The following SRGAP1 variants were observed in gnomAD, a reference collection of about 807,000 sequenced individuals.
The protein encoded by SRGAP1 is SLIT-ROBO Rho GTPase activating protein 1, also known as SLIT-ROBO Rho GTPase-activating protein 1.
A neutral mutation model predicts 121.9 loss-of-function variants in SRGAP1; 43 were observed. That is an observed-to-expected ratio of 0.35 (90% CI 0.28 to 0.46). The LOEUF (loss-of-function observed/expected upper bound fraction) is 0.46, where lower values mean the gene tolerates loss of function less well. SRGAP1 is among the 20% of genes least tolerant of loss of function. The pLI is 1.00. For missense variants in SRGAP1, 1,102 were observed against 1,350.9 expected, an observed-to-expected ratio of 0.82 and a Z score of 2.89; for synonymous variants, 447 against 485.4, an observed-to-expected ratio of 0.92 and a Z score of 1.04.
intron 1 of SRGAP1, among the ~76,000 whole-genome samples, chr12:63,904,903 C>T (rs982475001): frequency 1.3e-5 from 2 of 152,100 alleles, no homozygotes; most frequent in Non-Finnish European, 2.9e-5. Context: ...CACTGCACTC[C>T]AGCCTGAGTG....
In SRGAP1 at chr12:64,108,921, TC is replaced by T; in HGVS notation, c.1814-10del. The T allele has an allele frequency of 6.3e-7, 1 of 1,581,164 alleles. No homozygotes were observed. Among genetic ancestry groups the T allele is most frequent in the Non-Finnish European group, 8.6e-7 (1 of 1,158,132 alleles). On this transcript the variant is annotated splice_polypyrimidine_tract_variant and intron_variant, in intron 15 of 21. Coordinates refer to ENST00000355086, the MANE Select transcript of SRGAP1 (RefSeq NM_020762.4). ...TGAAAGGACTCTGACCATGTCATCT[TC>T]TGTCTGTAGGAATAGATAATCTCTA...
At chr12:63,863,566 C>G (rs560512105) in intron 1 of SRGAP1, among the ~76,000 whole-genome samples, 1 of 152,126 alleles carries the variant, frequency 6.6e-6, no homozygotes, top group Non-Finnish European at 1.5e-5. Flanking sequence ...GCCACCGCGC[C>G]CAGCCACAGT....
rs58636089 is a variant in SRGAP1, at chr12:64,144,836, C to CTTTTTTTTTTTTTTTTTTT, written c.*2172_*2190dup. 5.0e-4 allele frequency: 40 copies of CTTTTTTTTTTTTTTTTTTT among 79,462 alleles called. 3 individuals carry two copies. Among genetic ancestry groups the CTTTTTTTTTTTTTTTTTTT allele is most frequent in the African/African-American group, 9.9e-4 (17 of 17,096 alleles). The allele number at this position is 79,462 out of a possible 1,614,324, so 4.9% of individuals were successfully genotyped here. ...TTAAACTTTCCAAAATAATCCCCCA[C>CTTTTTTTTTTTTTTTTTTT]TTTTTTTTTTTTTTTTTTTTTTTTT... On this transcript the variant is annotated 3_prime_UTR_variant, in exon 22 of 22. Transcript: ENST00000355086.
chr12:63,953,138 G>A (rs541508170), intron 1 of SRGAP1, among the ~76,000 whole-genome samples: 40 of 152,258 alleles, frequency 2.6e-4, no homozygotes, highest in African/African-American at 9.1e-4. Context: ...AGCTTGTACC[G>A]TTTCCATTAT....
At chr12:63,894,098 CA>C (rs1348059100) in intron 1 of SRGAP1, among the ~76,000 whole-genome samples, 1 of 152,226 alleles carries the variant, frequency 6.6e-6, no homozygotes, top group Non-Finnish European at 1.5e-5. Flanking sequence ...CTCAGCCTCC[CA>C]AAGTGCTGGG....
chr12:63,982,951 T>C (rs958245261), intron 1 of SRGAP1: 15 of 152,220 alleles, frequency 9.9e-5, no homozygotes, highest in Admixed American at 9.8e-4. Context: ...ATCAGAGGAT[T>C]CTTTGAGGAT....
At chr12:63,872,239 T>G (rs1013132117) in intron 1 of SRGAP1, among the ~76,000 whole-genome samples, 9 of 152,180 alleles carry the variant, frequency 5.9e-5, no homozygotes, top group African/African-American at 1.9e-4. Flanking sequence ...TAACAATAGT[T>G]ATATGGGAAC....
chr12:63,939,147 C>T (rs566240705), intron 1 of SRGAP1, among the ~76,000 whole-genome samples: 1 of 150,192 alleles, frequency 6.7e-6, no homozygotes, highest in South Asian at 2.1e-4. Context: ...GGCCACAGAG[C>T]AAGACCTTGT....
intron 1 of SRGAP1, among the ~76,000 whole-genome samples, chr12:63,885,010 G>T (rs970461303): frequency 1.3e-5 from 2 of 151,892 alleles, no homozygotes; most frequent in East Asian, 3.9e-4. Flanking sequence ...GTGAGCCACC[G>T]CACCCACCAT....
intron 4 of SRGAP1, among the ~76,000 whole-genome samples, chr12:64,030,939 G>A (rs1180886387): frequency 2.0e-5 from 3 of 152,200 alleles, no homozygotes; most frequent in African/African-American, 7.2e-5. Flanking sequence ...ATAGCACAGT[G>A]GACTCCTTGC....
chr12:64,053,413 A>G (rs934162668), intron 6 of SRGAP1, among the ~76,000 whole-genome samples: 1 of 152,182 alleles, frequency 6.6e-6, no homozygotes, highest in Non-Finnish European at 1.5e-5. Context: ...AAATGAAGCA[A>G]GTGTTAGTTA....
At chr12:64,091,944 C>T (rs1260571431) in intron 12 of SRGAP1, 8 of 1,533,096 alleles carry the variant, frequency 5.2e-6, no homozygotes, top group South Asian at 1.2e-5. Flanking sequence ...GCTAGAGGGA[C>T]GTGAGGGTGC....
At chr12:63,880,259 T>G (rs754506302) in intron 1 of SRGAP1, among the ~76,000 whole-genome samples, 15 of 151,916 alleles carry the variant, frequency 9.9e-5, no homozygotes, top group Non-Finnish European at 1.3e-4. Context: ...TGAGACAGAG[T>G]CTTACTCTGT....
At chr12:63,955,190 G>T (rs1436304320) in intron 1 of SRGAP1, among the ~76,000 whole-genome samples, 2 of 152,008 alleles carry the variant, frequency 1.3e-5, no homozygotes, top group Non-Finnish European at 2.9e-5. Flanking sequence ...GTGGTGATGT[G>T]CACCTGTGGT....
intron 1 of SRGAP1, 143 bp downstream of exon 1, chr12:63,845,026 C>T: frequency 1.3e-6 from 1 of 791,922 alleles, no homozygotes; most frequent in Non-Finnish European, 2.2e-6. Context: ...CCTGGGCTTC[C>T]TACAAGCCAG....
At chr12:63,851,866 C>A (rs1160248026) in intron 1 of SRGAP1, among the ~76,000 whole-genome samples, 1 of 152,040 alleles carries the variant, frequency 6.6e-6, no homozygotes, top group Admixed American at 6.6e-5. Flanking sequence ...TGCATCTGGC[C>A]TCCTTGTTGT....
chr12:63,958,095 A>T (rs975242229), intron 1 of SRGAP1, among the ~76,000 whole-genome samples: 1 of 152,070 alleles, frequency 6.6e-6, no homozygotes, highest in Admixed American at 6.6e-5. Context: ...TGGGATGGGT[A>T]TATACCCTTA....
chr12:64,091,584 T>G (rs1467781733), intron 12 of SRGAP1, among the ~76,000 whole-genome samples: 4 of 152,168 alleles, frequency 2.6e-5, no homozygotes, highest in South Asian at 2.1e-4. Flanking sequence ...AATGTGAGTA[T>G]TATTATGTGG....
At chr12:64,125,169 T>A (rs1242012985) in intron 18 of SRGAP1, among the ~76,000 whole-genome samples, 3 of 152,236 alleles carry the variant, frequency 2.0e-5, no homozygotes, top group African/African-American at 7.2e-5. Flanking sequence ...TCTATCTCTA[T>A]AATTATGTCA....
Sources: allele counts gnomAD v4.1 joint callset (sites outside exome capture counted in the v4.1 genomes callset), GRCh38; gene constraint gnomAD v4.1.1; transcripts MANE v1.5; gene names NCBI Gene and HGNC (gene_info 2026-07-23, HGNC 2026-07-21).